The following BMPR1B variants were observed in gnomAD, a reference collection of about 807,000 sequenced individuals.
BMPR1B encodes the protein bone morphogenetic protein receptor type 1B.
BMPR1B carries 12 observed loss-of-function variants against 59.1 expected under a neutral mutation model. That is an observed-to-expected ratio of 0.20 (90% confidence interval 0.13 to 0.33). The LOEUF is 0.33. BMPR1B is among the 10% of genes least tolerant of loss of function. The pLI, the probability that BMPR1B is intolerant of heterozygous loss-of-function variation, is 1.00. For missense variants in BMPR1B, 550 were observed against 610.9 expected (o/e 0.90, Z 1.05); for synonymous variants, 237 against 207.3 (o/e 1.14, Z -1.23).
chr4:95,123,360 C>T (rs1034154055), intron 6 of BMPR1B, among the ~76,000 whole-genome samples: 1 of 152,034 alleles, frequency 6.6e-6, no homozygotes. Flanking sequence ...TTATATACAA[C>T]GAGTTATGTT....
At chr4:95,006,619 G>T (rs1297589626) in intron 3 of BMPR1B, among the ~76,000 whole-genome samples, 4 of 147,294 alleles carry the variant, frequency 2.7e-5, no homozygotes, top group African/African-American at 1.0e-4. Flanking sequence ...TTGGCTCACT[G>T]CAACCTCTGT....
chr4:95,005,480 G>A (rs943857250), intron 3 of BMPR1B, among the ~76,000 whole-genome samples: 3 of 152,048 alleles, frequency 2.0e-5, no homozygotes, highest in Non-Finnish European at 4.4e-5. Context: ...ACAGGCTGAC[G>A]TACTATGATC....
At chr4:94,953,167 A>T (rs1204076293) in intron 2 of BMPR1B, among the ~76,000 whole-genome samples, 1 of 151,776 alleles carries the variant, frequency 6.6e-6, no homozygotes, top group African/African-American at 2.4e-5. Flanking sequence ...TGCACGTGAG[A>T]TGGGTTTCCT....
chr4:95,135,601 GGTAT>G (rs1045950866), intron 10 of BMPR1B, among the ~76,000 whole-genome samples: 5 of 152,084 alleles, frequency 3.3e-5, no homozygotes, highest in Non-Finnish European at 7.4e-5. Flanking sequence ...TGGATTCCTA[GGTAT>G]TTTATTCTCT....
chr4:94,903,843 G>A (rs931879421), intron 2 of BMPR1B, among the ~76,000 whole-genome samples: 1 of 151,898 alleles, frequency 6.6e-6, no homozygotes, highest in African/African-American at 2.4e-5. Context: ...AAGGAGGGAG[G>A]CCTCAGAAGA....
intron 4 of BMPR1B, among the ~76,000 whole-genome samples, chr4:95,108,948 A>G (rs1731405549): frequency 1.3e-5 from 2 of 152,064 alleles, no homozygotes; most frequent in African/African-American, 4.8e-5. Context: ...TGTGGCTTTC[A>G]ACATGCCAGT....
chr4:94,792,374 A>C (rs544771598), intron 1 of BMPR1B, among the ~76,000 whole-genome samples: 1 of 152,008 alleles, frequency 6.6e-6, no homozygotes, highest in Non-Finnish European at 1.5e-5. Flanking sequence ...CAGTTATTAG[A>C]TGGCTGCAGT....
intron 10 of BMPR1B, among the ~76,000 whole-genome samples, chr4:95,147,254 T>TTA (rs1223205544): frequency 6.6e-6 from 1 of 152,178 alleles, no homozygotes; most frequent in African/African-American, 2.4e-5. Context: ...GACTTTAAAA[T>TTA]GTTCTAAAAT....
At chr4:94,985,078 G>A (rs1023106580) in intron 2 of BMPR1B, among the ~76,000 whole-genome samples, 3 of 152,122 alleles carry the variant, frequency 2.0e-5, no homozygotes, top group Non-Finnish European at 4.4e-5. Context: ...GAGAGCATAA[G>A]GTGGGATTTC....
At chr4:94,809,244 G>C (rs747432553) in intron 1 of BMPR1B, among the ~76,000 whole-genome samples, 1 of 152,034 alleles carries the variant, frequency 6.6e-6, no homozygotes, top group Non-Finnish European at 1.5e-5. Context: ...TTTGAATGTA[G>C]GTAGAACATG....
At chr4:94,772,423 A>C (rs957969551) in intron 1 of BMPR1B, among the ~76,000 whole-genome samples, 1 of 152,224 alleles carries the variant, frequency 6.6e-6, no homozygotes, top group Non-Finnish European at 1.5e-5. Context: ...CATATTTTAC[A>C]TAAAGCCAAG....
intron 6 of BMPR1B, among the ~76,000 whole-genome samples, chr4:95,118,345 C>G (rs1042979716): frequency 2.0e-5 from 3 of 151,984 alleles, no homozygotes; most frequent in African/African-American, 7.3e-5. Flanking sequence ...ACCATATACA[C>G]ATGTACAGTT....
At chr4:95,007,671 G>T (rs1263647478) in intron 3 of BMPR1B, among the ~76,000 whole-genome samples, 1 of 152,110 alleles carries the variant, frequency 6.6e-6, no homozygotes, top group Admixed American at 6.6e-5. Context: ...TCCTTCAAAT[G>T]CTTTGAAACA....
intron 3 of BMPR1B, among the ~76,000 whole-genome samples, chr4:95,097,239 AAGAAGAG>A (rs1179752352): frequency 6.6e-5 from 10 of 150,836 alleles, no homozygotes; most frequent in African/African-American, 2.4e-4. Context: ...AGAAAGAGGG[AAGAAGAG>A]AGAAGAGAGG....
At chr4:95,019,299 T>C (rs1723805178) in intron 3 of BMPR1B, among the ~76,000 whole-genome samples, 1 of 152,172 alleles carries the variant, frequency 6.6e-6, no homozygotes. Context: ...GCATTTAATT[T>C]TAAGAGTACT....
At chr4:95,144,112 A>C (rs576576851) in intron 10 of BMPR1B, among the ~76,000 whole-genome samples, 6 of 151,798 alleles carry the variant, frequency 4.0e-5, no homozygotes, top group Non-Finnish European at 7.4e-5. Flanking sequence ...GGCTCTCATT[A>C]ATTTCTTACT....
In BMPR1B at chr4:95,072,499, G is replaced by A. The variant is rs562576171; in HGVS notation, c.-17-31909G>A. On this transcript the variant is annotated intron_variant, in intron 3 of 12. Coordinates refer to ENST00000515059, the MANE Select transcript of BMPR1B (RefSeq NM_001203.3). Reference sequence around the variant, plus strand: ...GACATTTTGGTTATTCTAATGAAGTGGAAGACAAGTGTCAGGTAACACTTA... The same window carrying A: ...GACATTTTGGTTATTCTAATGAAGTAGAAGACAAGTGTCAGGTAACACTTA... 4.7e-4 allele frequency among the ~76,000 whole-genome samples: 71 copies of A among 152,238 alleles called. 1 individual carries two copies. In the South Asian group the frequency reaches 8.5e-3, roughly 18 times the overall value.
At chr4:94,789,385 G>A (rs1722881807) in intron 1 of BMPR1B, among the ~76,000 whole-genome samples, 1 of 152,150 alleles carries the variant, frequency 6.6e-6, no homozygotes, top group African/African-American at 2.4e-5. Context: ...AACTTCCAGT[G>A]GTTTGGCCAC....
At chr4:95,057,757 A>G (rs983972971) in intron 3 of BMPR1B, among the ~76,000 whole-genome samples, 1 of 152,132 alleles carries the variant, frequency 6.6e-6, no homozygotes, top group Non-Finnish European at 1.5e-5. Flanking sequence ...TGATAGCAAT[A>G]TAAATACTTC....
Sources: allele counts gnomAD v4.1 joint callset (sites outside exome capture counted in the v4.1 genomes callset), GRCh38; gene constraint gnomAD v4.1.1; transcripts MANE v1.5; gene names NCBI Gene and HGNC (gene_info 2026-07-23, HGNC 2026-07-21).